The following MYO1H variants were observed in gnomAD, a reference collection of about 807,000 sequenced individuals.
The protein encoded by MYO1H is myosin IH, also known as unconventional myosin-Ih.
Under a neutral mutation model 149.3 loss-of-function variants are expected in MYO1H, and 118 were observed. That is an observed-to-expected ratio of 0.79 (90% confidence interval 0.68 to 0.92). The LOEUF (loss-of-function observed/expected upper bound fraction) is 0.92. MYO1H is among the 40% of genes least tolerant of loss of function. The probability of loss-of-function intolerance (pLI) is 0.00; values close to 1 mark genes in which losing one functional copy is unlikely to be tolerated. For synonymous variants in MYO1H, 447 were observed against 465.2 expected (o/e 0.96, Z 0.50); for missense variants, 1,212 against 1,280.7 (o/e 0.95, Z 0.82).
At chr12:109,356,567 G>A (rs1030384284) in intron 1 of MYO1H, among the ~76,000 whole-genome samples, 2 of 152,084 alleles carry the variant, frequency 1.3e-5, no homozygotes, top group African/African-American at 4.8e-5. Flanking sequence ...AGTAGTGCAA[G>A]AAGACTAGGC....
At chr12:109,384,047 C>T (rs534886869) in intron 1 of MYO1H, among the ~76,000 whole-genome samples, 13 of 152,342 alleles carry the variant, frequency 8.5e-5, no homozygotes, top group Non-Finnish European at 1.2e-4. Flanking sequence ...AATTGTACGA[C>T]AGGACTGGGT....
chr12:109,310,551 C>T, the MYO1H span, among the ~76,000 whole-genome samples: 3 of 151,988 alleles, frequency 2.0e-5, no homozygotes, highest in Non-Finnish European at 4.4e-5. Flanking sequence ...TGTTTTGAGG[C>T]TGTCCTCGCG....
rs66507410 is a variant in MYO1H, at chr12:109,409,246, C to CTTT, written c.1156-285_1156-283dup. ...TCTTTTTCTTCTTCTTCTTCTTCTT[C>CTTT]TTTTTTTTTTTTTTTTTTTTTTTTT... On this transcript the variant is annotated intron_variant, in intron 10 of 31. Coordinates refer to ENST00000310903, the Ensembl canonical transcript of MYO1H. 3.8e-3 allele frequency among the ~76,000 whole-genome samples: 183 copies of CTTT among 47,880 alleles called. 1 individual carries two copies. The highest frequency in any genetic ancestry group is 0.013 in the Middle Eastern group (1 of 80). 31.4% of individuals were successfully genotyped at this position (47,880 alleles called of 152,430 possible).
At chr12:109,447,395 C>A in exon 32 of MYO1H, 2 of 611,568 alleles carry the variant, frequency 3.3e-6, no homozygotes, top group Admixed American at 2.7e-5. Context: ...ATGTCACCTT[C>A]TGGAAGCAGA....
intron 6 of MYO1H, among the ~76,000 whole-genome samples, chr12:109,403,319 T>A (rs566910420): frequency 6.6e-6 from 1 of 152,360 alleles, no homozygotes; most frequent in Middle Eastern, 3.4e-3. Context: ...ATTTCCCCCA[T>A]GCAATGAAGA....
chr12:109,410,095 T>C (rs541609087), intron 12 of MYO1H, 27 bp downstream of exon 12: 13 of 1,183,280 alleles, frequency 1.1e-5, no homozygotes, highest in Admixed American at 6.0e-5. Flanking sequence ...TTTCTCCTCA[T>C]CTGATTTCTT....
chr12:109,338,262 C>T, the MYO1H span, among the ~76,000 whole-genome samples: 1 of 152,086 alleles, frequency 6.6e-6, no homozygotes, highest in East Asian at 1.9e-4. Flanking sequence ...ACCAACCCCT[C>T]ATCAGACGAG....
intron 8 of MYO1H, 21 bp from the exon 9 acceptor site, chr12:109,406,768 C>T (rs73194210): frequency 0.045 from 72,098 of 1,610,690 alleles, 1,818 homozygotes; most frequent in Middle Eastern, 0.063. Flanking sequence ...GAATAGCATT[C>T]TGGATTTCTT....
At chr12:109,395,463 C>T (rs1300367643) in intron 3 of MYO1H, among the ~76,000 whole-genome samples, 2 of 152,020 alleles carry the variant, frequency 1.3e-5, no homozygotes, top group African/African-American at 2.4e-5. Context: ...AGGCCAGGCG[C>T]GGTGGCTCAC....
intron 21 of MYO1H, among the ~76,000 whole-genome samples, chr12:109,436,183 G>C (rs1871849691): frequency 6.6e-6 from 1 of 152,134 alleles, no homozygotes; most frequent in South Asian, 2.1e-4. Flanking sequence ...TTGTGGGGTG[G>C]CGTATGAGAA....
At chr12:109,313,449 T>C in the MYO1H span, among the ~76,000 whole-genome samples, 4 of 152,214 alleles carry the variant, frequency 2.6e-5, no homozygotes, top group African/African-American at 4.8e-5. Context: ...TAGGAGACCA[T>C]GAAAATACAC....
At chr12:109,343,097 G>GA (rs367914953), upstream of MYO1H, among the ~76,000 whole-genome samples, 3 of 151,360 alleles carry the variant, frequency 2.0e-5, no homozygotes, top group Non-Finnish European at 2.9e-5. Context: ...CTCTGAAAAA[G>GA]AAAAAAAATT....
intron 1 of MYO1H, among the ~76,000 whole-genome samples, chr12:109,380,186 C>T (rs998846525): frequency 2.0e-5 from 3 of 152,120 alleles, no homozygotes; most frequent in South Asian, 2.1e-4. Context: ...ACAGCCACCG[C>T]ACCCAGGCCA....
chr12:109,431,537 AC>A (rs1250299646), intron 19 of MYO1H, among the ~76,000 whole-genome samples: 2 of 152,180 alleles, frequency 1.3e-5, no homozygotes, highest in Non-Finnish European at 2.9e-5. Context: ...AGGTCCTGTT[AC>A]TGTTCATGTC....
the MYO1H span, among the ~76,000 whole-genome samples, chr12:109,342,243 C>T: frequency 6.7e-6 from 1 of 150,064 alleles, no homozygotes; most frequent in Non-Finnish European, 1.5e-5. Flanking sequence ...CTCCTGGGTT[C>T]AAGCAGTTCT....
In MYO1H at chr12:109,388,728, G is replaced by A; in HGVS notation, c.58G>A (p.Ala20Thr). 3.7e-6 allele frequency: 6 copies of A among 1,610,224 alleles called. No homozygotes were observed. The South Asian group carries it at 5.5e-5, about 15-fold the overall frequency. The change falls in exon 2 of 32, where the codon GCG (alanine) becomes ACG (threonine). Residue 20 changes from alanine (A) to threonine (T), a missense_variant. Coordinates refer to ENST00000310903, the Ensembl canonical transcript of MYO1H. ...ACACATCCGTCTGCACATGGAAGGG[G>A]CGCTGACTGCCCGGGACAAGGTCGG...
At chr12:109,375,027 G>C (rs769778698) in intron 1 of MYO1H, among the ~76,000 whole-genome samples, 1 of 151,778 alleles carries the variant, frequency 6.6e-6, no homozygotes, top group East Asian at 1.9e-4. Context: ...GTGAATTTTT[G>C]TATTTTTAGT....
intron 19 of MYO1H, 91 bp from the exon 20 acceptor site, chr12:109,432,806 C>T: frequency 2.0e-6 from 2 of 1,000,330 alleles, no homozygotes; most frequent in Non-Finnish European, 3.2e-6. Flanking sequence ...CATGCCACAG[C>T]AGTGCTCAGC....
exon 8 of MYO1H, chr12:109,406,011 C>T (rs1870366765): frequency 6.2e-7 from 1 of 1,613,216 alleles, no homozygotes; most frequent in Non-Finnish European, 8.5e-7. Flanking sequence ...TCCCAGACAC[C>T]CATGAGATCA....
Sources: allele counts gnomAD v4.1 joint callset (sites outside exome capture counted in the v4.1 genomes callset), GRCh38; gene constraint gnomAD v4.1.1; transcripts MANE v1.5; gene names NCBI Gene and HGNC (gene_info 2026-07-23, HGNC 2026-07-21).